The following IQCM variants were observed in gnomAD, a reference collection of about 807,000 sequenced individuals.
IQCM encodes the protein IQ domain-containing protein M.
A neutral mutation model predicts 57.6 loss-of-function variants in IQCM; 45 were observed. The ratio of observed to expected loss-of-function variants is 0.78; its 90% confidence interval spans 0.62 to 1.00. The LOEUF (loss-of-function observed/expected upper bound fraction) is 1.00. Ranked by LOEUF, IQCM falls within the 50% of genes least tolerant of loss-of-function variation. IQCM has a pLI of 0.00. For synonymous variants in IQCM, 148 were observed against 158.9 expected, an observed-to-expected ratio of 0.93 and a Z score of 0.51; for missense variants, 468 against 511.6, an observed-to-expected ratio of 0.91 and a Z score of 0.82.
intron 2 of IQCM, among the ~76,000 whole-genome samples, chr4:149,760,512 T>C (rs1212254533): frequency 1.3e-5 from 2 of 152,110 alleles, no homozygotes; most frequent in African/African-American, 4.8e-5. Flanking sequence ...GCACAGCCAA[T>C]CTTCCTCCAG....
At chr4:149,771,347 C>CA (rs1770560359) in intron 2 of IQCM, among the ~76,000 whole-genome samples, 2 of 151,884 alleles carry the variant, frequency 1.3e-5, no homozygotes, top group Admixed American at 6.6e-5. Context: ...CATATATAGG[C>CA]AAAAGAATAA....
intron 12 of IQCM, among the ~76,000 whole-genome samples, chr4:149,437,833 T>C (rs906971412): frequency 6.6e-6 from 1 of 152,212 alleles, no homozygotes; most frequent in South Asian, 2.1e-4. Flanking sequence ...ATTTCAACAC[T>C]CAAAATGCAT....
intron 8 of IQCM, among the ~76,000 whole-genome samples, chr4:149,619,962 G>A (rs562220431): frequency 6.6e-6 from 1 of 152,180 alleles, no homozygotes; most frequent in Admixed American, 6.5e-5. Context: ...TTTGAGACCA[G>A]CCTAACCAAT....
At chr4:149,427,626 TTTAGCC>T in intron 13 of IQCM, among the ~76,000 whole-genome samples, 1 of 151,968 alleles carries the variant, frequency 6.6e-6, no homozygotes. Context: ...AGTCAAAAAC[TTTAGCC>T]AGGTACAATA....
At chr4:149,471,235 G>T (rs989958588) in intron 12 of IQCM, among the ~76,000 whole-genome samples, 1 of 151,982 alleles carries the variant, frequency 6.6e-6, no homozygotes, top group Non-Finnish European at 1.5e-5. Flanking sequence ...GACCAACAAA[G>T]AAGAAAAGAG....
chr4:149,673,458 G>T (rs1319311373), intron 7 of IQCM, among the ~76,000 whole-genome samples: 1 of 152,006 alleles, frequency 6.6e-6, no homozygotes, highest in Non-Finnish European at 1.5e-5. Context: ...ACAAAAAAAT[G>T]CAGGGGTTGC....
intron 12 of IQCM, among the ~76,000 whole-genome samples, chr4:149,519,211 A>C (rs752986945): frequency 6.6e-6 from 1 of 152,196 alleles, no homozygotes; most frequent in African/African-American, 2.4e-5. Flanking sequence ...TTCATTTTCT[A>C]CTGGTGTTTA....
At chr4:149,814,961 T>C (rs1233020541) in intron 2 of IQCM, among the ~76,000 whole-genome samples, 1 of 151,974 alleles carries the variant, frequency 6.6e-6, no homozygotes, top group African/African-American at 2.4e-5. Context: ...AGACATTTAG[T>C]AATGGCGTTG....
intron 10 of IQCM, among the ~76,000 whole-genome samples, chr4:149,556,001 T>A (rs147151632): frequency 0.011 from 1,728 of 152,322 alleles, 19 homozygotes; most frequent in Non-Finnish European, 0.017. Flanking sequence ...GTGGTTTTTA[T>A]TACAGGGAGT....
At chr4:149,813,017 G>A (rs189929669) in intron 2 of IQCM, among the ~76,000 whole-genome samples, 225 of 151,946 alleles carry the variant, frequency 1.5e-3, no homozygotes, top group African/African-American at 5.2e-3. Context: ...TTTAAACCTC[G>A]GTGAACTTTT....
chr4:149,611,050 A>G (rs1755237646), intron 8 of IQCM, among the ~76,000 whole-genome samples: 1 of 152,106 alleles, frequency 6.6e-6, no homozygotes, highest in Non-Finnish European at 1.5e-5. Flanking sequence ...AATAGGCAAA[A>G]TATCTGAATA....
intron 2 of IQCM, among the ~76,000 whole-genome samples, chr4:149,771,590 G>T (rs1770588431): frequency 6.6e-6 from 1 of 151,952 alleles, no homozygotes; most frequent in Non-Finnish European, 1.5e-5. Flanking sequence ...TGGTTACTTG[G>T]TTCAGGCTTC....
At chr4:149,377,827 A>G (rs929830692) in intron 13 of IQCM, among the ~76,000 whole-genome samples, 1 of 152,126 alleles carries the variant, frequency 6.6e-6, no homozygotes, top group African/African-American at 2.4e-5. Flanking sequence ...AATGCTAAAA[A>G]TCCTCACCTG....
intron 8 of IQCM, among the ~76,000 whole-genome samples, chr4:149,608,730 C>T (rs572357832): frequency 1.3e-5 from 2 of 151,752 alleles, no homozygotes; most frequent in African/African-American, 2.4e-5. Context: ...GAAAACACAA[C>T]ATACCAAAAC....
chr4:149,368,464 T>C (rs1483944623), intron 13 of IQCM, among the ~76,000 whole-genome samples: 1 of 151,956 alleles, frequency 6.6e-6, no homozygotes, highest in Non-Finnish European at 1.5e-5. Flanking sequence ...AGGCAAAGAA[T>C]ACTCAACCAT....
At chr4:149,558,334 G>T (rs1467087922) in intron 10 of IQCM, among the ~76,000 whole-genome samples, 1 of 152,210 alleles carries the variant, frequency 6.6e-6, no homozygotes, top group African/African-American at 2.4e-5. Context: ...TTTAGAAGAG[G>T]TTTCTCAAAT....
intron 13 of IQCM, among the ~76,000 whole-genome samples, chr4:149,363,483 T>A (rs1265127629): frequency 6.6e-6 from 1 of 152,194 alleles, no homozygotes; most frequent in African/African-American, 2.4e-5. Context: ...AGATTGTGAC[T>A]ATTTTTGTGA....
chr4:149,700,189 C>T (rs1185966561), intron 5 of IQCM, among the ~76,000 whole-genome samples: 1 of 152,072 alleles, frequency 6.6e-6, no homozygotes, highest in Non-Finnish European at 1.5e-5. Flanking sequence ...TAGGCATACA[C>T]AAAGATTTTA....
intron 5 of IQCM, among the ~76,000 whole-genome samples, chr4:149,724,854 AC>A (rs1447002660): frequency 6.6e-6 from 1 of 152,046 alleles, no homozygotes; most frequent in African/African-American, 2.4e-5. Flanking sequence ...TATATATATT[AC>A]AAAAACATTG....
Sources: gnomAD v4.1 joint callset for allele counts (sites outside exome capture counted in the v4.1 genomes callset) on GRCh38, gnomAD v4.1.1 for gene constraint, MANE v1.5 for transcripts, NCBI Gene and HGNC (gene_info 2026-07-23, HGNC 2026-07-21) for gene names.